TRUB2: variants seen among roughly 807,000 people sequenced by gnomAD.
TRUB2 encodes TruB pseudouridine synthase family member 2.
Under a neutral mutation model 31.9 loss-of-function variants are expected in TRUB2, and 31 were observed. That is an observed-to-expected ratio of 0.97 (90% CI 0.73 to 1.31). TRUB2 has a LOEUF of 1.31. Among genes scored for constraint, TRUB2 ranks in the 50% most tolerant of loss-of-function variants. The probability of loss-of-function intolerance (pLI) is 0.00; values close to 1 mark genes in which losing one functional copy is unlikely to be tolerated. For missense variants in TRUB2, 451 were observed against 439.6 expected (o/e 1.03, Z -0.23); for synonymous variants, 201 against 182.6 (o/e 1.10, Z -0.81).
rs753233027 is a variant in TRUB2 at position 128,309,876 on chromosome 9, C to CATGCA, written c.671-2_671-1insTGCAT. On this transcript the variant is annotated splice_acceptor_variant, in intron 7 of 7. Transcript: ENST00000372890. LOFTEE classifies it high-confidence loss of function. ...TGCGTCTCATGCATGCACTGCACCT[C>CATGCA]TGCCAGGGACACACAATGACAGACA... is the stretch of plus-strand genomic sequence containing the variant. 8.7e-6 allele frequency: 14 copies of CATGCA among 1,612,310 alleles called. No individual in the cohort carries two copies. Among genetic ancestry groups the CATGCA allele is most frequent in the Non-Finnish European group, 1.2e-5 (14 of 1,178,754 alleles).
Position 128,314,040 on chromosome 9 carries a change from G to A in TRUB2, c.379-151C>T, listed in dbSNP as rs964643482. ...CCCAGCTGCTCCACAGCCCCAGGAG[G>A]AAGGGCACCAGCTCTGTCATGTGGC... On this transcript the variant is annotated intron_variant, in intron 4 of 7. Coordinates refer to ENST00000372890, the MANE Select transcript of TRUB2 (RefSeq NM_015679.3). 1.7e-4 allele frequency: 110 copies of A among 645,494 alleles called. 1 individual carries two copies. The highest frequency in any genetic ancestry group is 5.2e-4 in the South Asian group (28 of 53,876). The allele number at this position is 645,494 out of a possible 1,614,324, so 40.0% of individuals were successfully genotyped here.
chr9:128,309,413 A>C lies in TRUB2; in HGVS notation c.*137T>G, dbSNP rs186463651. The C allele has an allele frequency of 2.1e-6, 2 of 932,432 alleles. No homozygotes were observed. The highest frequency in any genetic ancestry group is 3.2e-6 in the Non-Finnish European group (2 of 630,174). The allele number at this position is 932,432 out of a possible 1,614,324, so 57.8% of individuals were successfully genotyped here. A position where few individuals can be genotyped will look rare whatever the true frequency, so the allele number is the denominator to read the frequency against. On this transcript the variant is annotated 3_prime_UTR_variant, in exon 8 of 8. Transcript: ENST00000372890. ...CTTCTCAGTTGGGTCAAGTCCATTG[A>C]CCTTTCTGTTACAGCTTGAGTTTTG... is the stretch of plus-strand genomic sequence containing the variant.
chr9:128,320,409 C>T (rs539769869), intron 2 of TRUB2, among the ~76,000 whole-genome samples: 7 of 151,732 alleles, frequency 4.6e-5, no homozygotes, highest in African/African-American at 1.2e-4. Flanking sequence ...CTAAGCTCAC[C>T]GCAACCTCCG....
At chr9:128,321,560 G>A in intron 2 of TRUB2, 39 bp downstream of exon 2, 1 of 1,611,456 alleles carries the variant, frequency 6.2e-7, no homozygotes, top group South Asian at 1.1e-5. Context: ...GGGATTTCCT[G>A]GGAAGTGACA....
chr9:128,309,831 C>G lies in TRUB2; in HGVS notation c.715G>C (p.Val239Leu). ...HETQKELRKL[V>L]HEIGLELKTT... ...TTTAGTTCCAGGCCGATTTCATGAA[C>G]CAACTTCCGCAGCTCTTTCTGCGTC... Residue 239 changes from valine to leucine, a missense_variant, in exon 8 of 8, where the codon GTT (valine) becomes CTT (leucine). By Grantham distance (32) the Val-to-Leu change is conservative (BLOSUM62 1). Transcript: ENST00000372890. The G allele has an allele frequency of 6.2e-7, 1 of 1,614,244 alleles. No individual in the cohort carries two copies. Among genetic ancestry groups the G allele is most frequent in the Non-Finnish European group, 8.5e-7 (1 of 1,180,040 alleles).
chr9:128,316,904 C>T, intron 3 of TRUB2: 1 of 483,332 alleles, frequency 2.1e-6, no homozygotes, highest in East Asian at 3.5e-5. Flanking sequence ...AATAAATGTG[C>T]ATAAAGGGCC....
At chr9:128,322,231 G>T in intron 1 of TRUB2, 69 bp downstream of exon 1, 1 of 1,368,232 alleles carries the variant, frequency 7.3e-7, no homozygotes, top group Non-Finnish European at 1.0e-6. Context: ...TTTGGGGTAA[G>T]GACCAGAAGC....
chr9:128,319,426 G>A (rs1832125006), intron 2 of TRUB2, among the ~76,000 whole-genome samples: 1 of 150,484 alleles, frequency 6.6e-6, no homozygotes, highest in Admixed American at 6.6e-5. Context: ...AGGAGGCAGA[G>A]GTTTCAGTGA....
chr9:128,310,529 C>T (rs983934881), intron 7 of TRUB2, among the ~76,000 whole-genome samples: 1 of 151,812 alleles, frequency 6.6e-6, no homozygotes, highest in African/African-American at 2.4e-5. Context: ...TAAGAGGGGC[C>T]TGAGCTGGGT....
rs1001219617 is a variant in TRUB2, at chr9:128,305,984, C to T, written c.*3566G>A. ...AAGTGCTGGGATTACAGGCATGAGC[C>T]GCCACACCCAGCAGAATTTTAATTT... On this transcript the variant is annotated 3_prime_UTR_variant, in exon 8 of 8. Transcript: ENST00000372890. The T allele has an allele frequency of 7.2e-5, 11 of 152,254 alleles. No homozygotes were observed. The highest frequency in any genetic ancestry group is 2.1e-4 in the South Asian group (1 of 4,816). The allele number at this position is 152,254 out of a possible 1,614,324, so 9.4% of individuals were successfully genotyped here.
chr9:128,322,213 G>T, intron 1 of TRUB2, 87 bp downstream of exon 1: 2 of 1,133,280 alleles, frequency 1.8e-6, no homozygotes, highest in Non-Finnish European at 1.3e-6. Context: ...TAGGTCACGT[G>T]ATTTTGTTTT....
intron 5 of TRUB2, among the ~76,000 whole-genome samples, chr9:128,312,907 C>T (rs1046174714): frequency 2.6e-5 from 4 of 151,848 alleles, no homozygotes; most frequent in Admixed American, 1.3e-4. Flanking sequence ...CCACTGCGCC[C>T]GGCCTCTTTT....
chr9:128,320,475 G>A (rs1444922485), intron 2 of TRUB2, among the ~76,000 whole-genome samples: 2 of 151,834 alleles, frequency 1.3e-5, no homozygotes, highest in South Asian at 4.2e-4. Context: ...TGGGATTATA[G>A]GCATGTGCCA....
At chr9:128,322,160 G>A in intron 1 of TRUB2, 140 bp downstream of exon 1, 3 of 660,522 alleles carry the variant, frequency 4.5e-6, no homozygotes, top group Non-Finnish European at 8.0e-6. Flanking sequence ...GAGTAAGAAA[G>A]CACAGAGAAC....
rs1831884723 is a variant in TRUB2 at position 128,307,407 on chromosome 9, TCCAGC to T, written c.*2138_*2142del. 6.6e-5 allele frequency: 10 copies of T among 151,650 alleles called. No homozygotes were observed. The highest frequency in any genetic ancestry group is 2.4e-4 in the African/African-American group (10 of 41,228). The allele number at this position is 151,650 out of a possible 1,614,324, so 9.4% of individuals were successfully genotyped here. ...GTGAGTCATGTTTGCACCATTGCAC[TCCAGC>T]CTGGGTGACAGAGCAAGACTCTGTC... On this transcript the variant is annotated 3_prime_UTR_variant, in exon 8 of 8. Transcript: ENST00000372890.
chr9:128,315,474 G>T, intron 4 of TRUB2, 93 bp downstream of exon 4: 1 of 1,336,542 alleles, frequency 7.5e-7, no homozygotes. Flanking sequence ...TGGCTTGGGT[G>T]TTCCCCCACG....
At chr9:128,317,388 T>C (rs887007231) in intron 2 of TRUB2, among the ~76,000 whole-genome samples, 162 bp from the exon 3 acceptor site, 5 of 152,210 alleles carry the variant, frequency 3.3e-5, no homozygotes, top group Non-Finnish European at 5.9e-5. Context: ...GACCCTGAAC[T>C]GTATCCTCAG....
chr9:128,315,494 A>G (rs923050632), intron 4 of TRUB2, 73 bp downstream of exon 4: 1 of 1,516,796 alleles, frequency 6.6e-7, no homozygotes. Context: ...GGAATCCTCT[A>G]AGCTTCAGAA....
chr9:128,308,964 C>T lies in TRUB2; in HGVS notation c.*586G>A, dbSNP rs1215313933. ...GTATTAAAGAGGTTGAGTGTCATTT[C>T]TGGCTTACTAGCCATTTGGATTTCT... On this transcript the variant is annotated 3_prime_UTR_variant, in exon 8 of 8. Coordinates refer to ENST00000372890, the MANE Select transcript of TRUB2 (RefSeq NM_015679.3). 6.6e-6 allele frequency: 1 copy of T among 152,490 alleles called. No homozygotes were observed. The highest frequency in any genetic ancestry group is 6.5e-5 in the Admixed American group (1 of 15,314). The allele number at this position is 152,490 out of a possible 1,614,324, so 9.4% of individuals were successfully genotyped here.
Sources: gnomAD v4.1 joint callset for allele counts (sites outside exome capture counted in the v4.1 genomes callset) on GRCh38, gnomAD v4.1.1 for gene constraint, MANE v1.5 for transcripts, NCBI Gene and HGNC (gene_info 2026-07-23, HGNC 2026-07-21) for gene names.